The following TTC27 variants were observed in gnomAD, a reference collection of about 807,000 sequenced individuals.
The protein encoded by TTC27 is tetratricopeptide repeat protein 27.
Under a neutral mutation model 115.9 loss-of-function variants are expected in TTC27, and 79 were observed. The observed-to-expected ratio is 0.68, with a 90% CI of 0.57 to 0.82. TTC27 has a LOEUF of 0.82. Among genes scored for constraint, TTC27 ranks in the 40% least tolerant of loss-of-function variants. TTC27 has a pLI of 0.00. For synonymous variants in TTC27, 401 were observed against 356.0 expected, an observed-to-expected ratio of 1.13 and a Z score of -1.42; for missense variants, 1,054 against 993.1, an observed-to-expected ratio of 1.06 and a Z score of -0.82.
At chr2:32,764,549 G>A (rs947827466) in intron 13 of TTC27, among the ~76,000 whole-genome samples, 1 of 152,212 alleles carries the variant, frequency 6.6e-6, no homozygotes, top group Admixed American at 6.5e-5. Context: ...TGATCAGTGT[G>A]ATGGTTACTA....
chr2:32,780,366 C>T (rs1204324975), intron 14 of TTC27, among the ~76,000 whole-genome samples: 1 of 152,174 alleles, frequency 6.6e-6, no homozygotes, highest in African/African-American at 2.4e-5. Context: ...GTAAGTTTTA[C>T]ACCTCTTTTG....
rs114921866 is a variant in TTC27 at position 32,644,980 on chromosome 2, C to T, written c.537+4570C>T. On this transcript the variant is annotated intron_variant, in intron 4 of 19. Coordinates refer to ENST00000317907, the MANE Select transcript of TTC27 (RefSeq NM_017735.5). ...GCTCCAGCCTCCTGAGCAGCTAGGA[C>T]TATAGGCACCTGGCTTATATCTTTC... Among the ~76,000 whole-genome samples, 996 of 149,962 alleles carry T rather than the reference C, an allele frequency of 6.6e-3. 18 individuals are homozygous for T. Among genetic ancestry groups the T allele is most frequent in the African/African-American group, 0.023 (947 of 40,842 alleles).
intron 12 of TTC27, among the ~76,000 whole-genome samples, chr2:32,749,346 CA>C (rs1260891391): frequency 1.3e-5 from 2 of 152,266 alleles, no homozygotes; most frequent in South Asian, 2.1e-4. Flanking sequence ...GTTTCAAACC[CA>C]TTCTGCCCCC....
chr2:32,748,140 C>G (rs1328497848), intron 12 of TTC27, among the ~76,000 whole-genome samples: 1 of 151,924 alleles, frequency 6.6e-6, no homozygotes, highest in Non-Finnish European at 1.5e-5. Context: ...CCGTAAGTTT[C>G]AGCATATTTT....
chr2:32,758,618 T>C, intron 13 of TTC27, 99 bp downstream of exon 13: 3 of 1,153,456 alleles, frequency 2.6e-6, no homozygotes, highest in Non-Finnish European at 3.7e-6. Context: ...TGATAACTGG[T>C]GAGTTTGTTT....
intron 14 of TTC27, among the ~76,000 whole-genome samples, chr2:32,781,185 C>T (rs1411132434): frequency 6.6e-6 from 1 of 152,194 alleles, no homozygotes; most frequent in African/African-American, 2.4e-5. Flanking sequence ...ACAAGCAGTT[C>T]CAGCAGTCAG....
At chr2:32,820,773 T>C (rs1671672834) in intron 19 of TTC27, 43 bp from the exon 20 acceptor site, 4 of 1,477,086 alleles carry the variant, frequency 2.7e-6, no homozygotes, top group Non-Finnish European at 3.6e-6. Context: ...TTTAAAGAAA[T>C]TTGTGTTGTT....
intron 11 of TTC27, 58 bp downstream of exon 11, chr2:32,733,981 C>G (rs1668376907): frequency 7.1e-6 from 8 of 1,120,094 alleles, no homozygotes; most frequent in Non-Finnish European, 1.0e-5. Flanking sequence ...AAGGTAAATG[C>G]ATTATAAATT....
chr2:32,766,242 A>G (rs950568322), intron 13 of TTC27, among the ~76,000 whole-genome samples: 1 of 152,194 alleles, frequency 6.6e-6, no homozygotes, highest in African/African-American at 2.4e-5. Flanking sequence ...ATGTTGTATT[A>G]TGATCAAATC....
chr2:32,635,683 C>CA (rs1664395559), intron 3 of TTC27, among the ~76,000 whole-genome samples: 1 of 149,918 alleles, frequency 6.7e-6, no homozygotes, highest in Admixed American at 6.6e-5. Flanking sequence ...GACTCCATTT[C>CA]AAAAAAAGAA....
chr2:32,708,846 C>T (rs898873655), intron 10 of TTC27, among the ~76,000 whole-genome samples: 1 of 152,094 alleles, frequency 6.6e-6, no homozygotes, highest in Non-Finnish European at 1.5e-5. Flanking sequence ...TCTATCTGCT[C>T]CCTTGGATAC....
At chr2:32,674,164 T>G (rs1666110974) in intron 8 of TTC27, among the ~76,000 whole-genome samples, 1 of 151,934 alleles carries the variant, frequency 6.6e-6, no homozygotes. Context: ...CTTTTTTTTT[T>G]TTTTGAGACA....
At chr2:32,782,406 A>G (rs1191563925) in intron 14 of TTC27, among the ~76,000 whole-genome samples, 3 of 152,230 alleles carry the variant, frequency 2.0e-5, no homozygotes, top group South Asian at 4.1e-4. Flanking sequence ...TAATTGGTAC[A>G]ATAATAGTTA....
intron 9 of TTC27, among the ~76,000 whole-genome samples, chr2:32,688,694 T>C (rs1035883702): frequency 2.0e-5 from 3 of 151,996 alleles, no homozygotes; most frequent in African/African-American, 7.2e-5. Flanking sequence ...AAATGCAAAT[T>C]AAAACCACAA....
At chr2:32,805,025 A>G (rs1451570987) in intron 16 of TTC27, among the ~76,000 whole-genome samples, 8 of 152,202 alleles carry the variant, frequency 5.3e-5, no homozygotes, top group African/African-American at 2.4e-5. Context: ...CCAATGTAAA[A>G]GAACTTAATA....
chr2:32,633,922 G>A lies in TTC27; in HGVS notation c.313G>A (p.Val105Ile), dbSNP rs762354047. The A allele has an allele frequency of 7.4e-6, 12 of 1,613,864 alleles. No homozygotes were observed. Among genetic ancestry groups the A allele is most frequent in the Non-Finnish European group, 1.0e-5 (12 of 1,179,952 alleles). Residue 105 changes from valine to isoleucine, a missense_variant, in exon 3 of 20, where the codon GTT (valine) becomes ATT (isoleucine). Transcript: ENST00000317907. ...LLGVSSLQLF[V>I]QSNWTGPPVD... The stretch of plus-strand genomic sequence containing the variant: ...TGGTGTGAGCAGTTTGCAACTTTTT[G>A]TTCAGAGCAACTGGACGGGGCCCCC...
chr2:32,797,587 T>G (rs780899220), intron 16 of TTC27, among the ~76,000 whole-genome samples: 1 of 152,210 alleles, frequency 6.6e-6, no homozygotes, highest in African/African-American at 2.4e-5. Context: ...GACCCTTACC[T>G]AACACTGTAT....
intron 9 of TTC27, among the ~76,000 whole-genome samples, chr2:32,685,015 C>CTTTTTTTTTTTTTT (rs70938361): frequency 6.9e-5 from 8 of 116,316 alleles, no homozygotes; most frequent in Admixed American, 1.0e-4. Flanking sequence ...TTGCCTTTTC[C>CTTTTTTTTTTTTTT]TTTTTTTTTT....
chr2:32,779,157 A>C (rs1300392571), intron 14 of TTC27, among the ~76,000 whole-genome samples: 1 of 152,122 alleles, frequency 6.6e-6, no homozygotes, highest in Non-Finnish European at 1.5e-5. Flanking sequence ...TGGGAGGCGG[A>C]GGTCGCAGTG....
Sources: allele counts gnomAD v4.1 joint callset (sites outside exome capture counted in the v4.1 genomes callset), GRCh38; gene constraint gnomAD v4.1.1; transcripts MANE v1.5; gene names NCBI Gene and HGNC (gene_info 2026-07-23, HGNC 2026-07-21).